The following RTP1 variants were observed in gnomAD, a reference collection of about 807,000 sequenced individuals.
RTP1 encodes receptor-transporting protein 1.
In RTP1, 24 loss-of-function variants were observed where a neutral mutation model predicts 27.1. The ratio of observed to expected loss-of-function variants is 0.89; its 90% CI spans 0.64 to 1.25. RTP1 has a LOEUF of 1.25. Ranked by LOEUF, RTP1 falls within the 50% of genes most tolerant of loss-of-function variation. RTP1 has a pLI of 0.00. For missense variants in RTP1, 338 were observed against 351.6 expected (o/e 0.96, Z 0.31); for synonymous variants, 148 against 148.1 (o/e 1.00, Z 0.00).
In RTP1 at chr3:187,200,165, G is replaced by T; in HGVS notation, c.*95G>T. 2 of 1,118,318 alleles carry T rather than the reference G, an allele frequency of 1.8e-6. No individual in the cohort carries two copies. The highest frequency in any genetic ancestry group is 2.4e-6 in the Non-Finnish European group (2 of 816,832). 69.3% of individuals were successfully genotyped at this position (1,118,318 alleles called of 1,614,324 possible). Reference sequence around the variant, plus strand: ...GGGTTGAGAATAGTGTAAACTTCTAGCGCTGGTGATGTCACTGACTCAGTG... The same window carrying T: ...GGGTTGAGAATAGTGTAAACTTCTATCGCTGGTGATGTCACTGACTCAGTG... On this transcript the variant is annotated 3_prime_UTR_variant, in exon 2 of 2. Coordinates refer to ENST00000312295, the MANE Select transcript of RTP1 (RefSeq NM_153708.3).
At position 187,197,499 on chromosome 3, in the gene RTP1, T is replaced by G. The variant is rs1721623213; in HGVS notation, c.-17T>G. ...ACAAAGGAGGGAGCTGGGTCCTGCT[T>G]CCTCCTGGTCTTGTCGATGAGGATT... On this transcript the variant is annotated 5_prime_UTR_variant, in exon 1 of 2. Transcript: ENST00000312295. The G allele has an allele frequency of 6.2e-7, 1 of 1,606,958 alleles. No individual in the cohort carries two copies. Among genetic ancestry groups the G allele is most frequent in the Admixed American group, 1.7e-5 (1 of 59,876 alleles).
rs536513104 is a variant in RTP1 at position 187,201,049 on chromosome 3, A to G, written c.*979A>G. ...GCCTCCTGGGTTCTTTGCTGAAATTATAGTTGAATGGCTTTCTCACATTGG... is the reference window on the plus strand; with the variant it reads ...GCCTCCTGGGTTCTTTGCTGAAATTGTAGTTGAATGGCTTTCTCACATTGG... On this transcript the variant is annotated 3_prime_UTR_variant, in exon 2 of 2. Coordinates refer to ENST00000312295, the MANE Select transcript of RTP1 (RefSeq NM_153708.3). 1.3e-5 allele frequency: 2 copies of G among 152,332 alleles called. No homozygotes were observed. Among genetic ancestry groups the G allele is most frequent in the South Asian group, 4.1e-4 (2 of 4,822 alleles). The allele number at this position is 152,332 out of a possible 1,614,324, so 9.4% of individuals were successfully genotyped here.
Position 187,197,488 on chromosome 3 carries a change from T to A in RTP1, c.-28T>A. Reference sequence around the variant, plus strand: ...TTCCACTGCGGACAAAGGAGGGAGCTGGGTCCTGCTTCCTCCTGGTCTTGT... The same window carrying A: ...TTCCACTGCGGACAAAGGAGGGAGCAGGGTCCTGCTTCCTCCTGGTCTTGT... On this transcript the variant is annotated 5_prime_UTR_variant, in exon 1 of 2. Transcript: ENST00000312295. 1 of 1,603,674 alleles carries A rather than the reference T, an allele frequency of 6.2e-7. No individual in the cohort carries two copies. Among genetic ancestry groups the A allele is most frequent in the Non-Finnish European group, 8.5e-7 (1 of 1,171,862 alleles).
In RTP1 at chr3:187,200,169, T is replaced by C. The variant is rs1721693340; in HGVS notation, c.*99T>C. The C allele has an allele frequency of 2.8e-6, 3 of 1,061,326 alleles. 1 individual carries two copies. The highest frequency in any genetic ancestry group is 5.8e-5 in the South Asian group (2 of 34,394). The allele number at this position is 1,061,326 out of a possible 1,614,324, so 65.7% of individuals were successfully genotyped here. ...TGAGAATAGTGTAAACTTCTAGCGC[T>C]GGTGATGTCACTGACTCAGTGGGGA... On this transcript the variant is annotated 3_prime_UTR_variant, in exon 2 of 2. Transcript: ENST00000312295.
Position 187,199,837 on chromosome 3 carries a change from C to A in RTP1, c.559C>A (p.Arg187Ser), listed in dbSNP as rs969092926. 1.9e-6 allele frequency: 3 copies of A among 1,606,936 alleles called. No individual in the cohort carries two copies. In the South Asian group the frequency reaches 3.3e-5, roughly 18 times the overall value. The change falls in exon 2 of 2, where the codon CGC becomes AGC. Residue 187 changes from arginine (R) to serine (S), a missense_variant. This residue lies in a region of RTP1 where 252 missense variants were observed against 231.5 expected (regional missense o/e 1.09). Coordinates refer to ENST00000312295, the MANE Select transcript of RTP1 (RefSeq NM_153708.3). The part of the protein sequence containing the change: ...VASRQDNRRH[R>S]GEFCEACQEG... The stretch of plus-strand genomic sequence containing the variant: ...CAGCCGCCAGGACAACCGGCGGCAC[C>A]GCGGAGAGTTCTGCGAGGCCTGCCA...
intron 1 of RTP1, chr3:187,198,073 C>T (rs1192186223): frequency 2.1e-5 from 7 of 336,216 alleles, no homozygotes; most frequent in African/African-American, 1.4e-4. Flanking sequence ...GTCCTACACA[C>T]TGACATTTTA....
At position 187,197,617 on chromosome 3, in the gene RTP1, C is replaced by T. The variant is rs771041267; in HGVS notation, c.102C>T (p.Asp34=). 35 of 1,614,044 alleles carry T rather than the reference C, an allele frequency of 2.2e-5. No individual in the cohort carries two copies. The highest frequency in any genetic ancestry group is 5.3e-5 in the African/African-American group (4 of 74,914). Residue 34 remains aspartate, a synonymous_variant, in exon 1 of 2, where the codon GAC becomes GAT. Coordinates refer to ENST00000312295, the MANE Select transcript of RTP1 (RefSeq NM_153708.3). ...GGAAATTGCCTTCCCTCACTACTGACGAGACCATGTGTAAAAGCGTGACCA... is the reference window on the plus strand; with the variant it reads ...GGAAATTGCCTTCCCTCACTACTGATGAGACCATGTGTAAAAGCGTGACCA... The part of the protein sequence containing the change: ...LRWKLPSLTT[D]ETMCKSVTTD...
Position 187,199,839 on chromosome 3 carries a change from C to T in RTP1, c.561C>T (p.Arg187=), listed in dbSNP as rs777810877. ...GCCGCCAGGACAACCGGCGGCACCG[C>T]GGAGAGTTCTGCGAGGCCTGCCAGG... ...VASRQDNRRH[R]GEFCEACQEG... Residue 187 remains arginine (R), a synonymous_variant, in exon 2 of 2, where the codon CGC becomes CGT. Coordinates refer to ENST00000312295, the MANE Select transcript of RTP1 (RefSeq NM_153708.3). The T allele has an allele frequency of 5.0e-6, 8 of 1,606,992 alleles. No homozygotes were observed. Among genetic ancestry groups the T allele is most frequent in the South Asian group, 4.4e-5 (4 of 90,864 alleles).
In RTP1 at chr3:187,200,400, C is replaced by T. The variant is rs1366477676; in HGVS notation, c.*330C>T. ...CAACTCCTACCTCCTCCTCTTGCTT[C>T]GATCAGAACAGCTTTACTTTAGATA... On this transcript the variant is annotated 3_prime_UTR_variant, in exon 2 of 2. Coordinates refer to ENST00000312295, the MANE Select transcript of RTP1 (RefSeq NM_153708.3). 3.0e-5 allele frequency: 6 copies of T among 199,154 alleles called. No individual in the cohort carries two copies. Among genetic ancestry groups the T allele is most frequent in the Non-Finnish European group, 4.8e-5 (5 of 103,286 alleles). 12.3% of individuals were successfully genotyped at this position (199,154 alleles called of 1,614,324 possible).
At position 187,199,734 on chromosome 3, in the gene RTP1, C is replaced by T. The variant is rs770828050; in HGVS notation, c.456C>T (p.Gly152=). 5 of 1,613,536 alleles carry T rather than the reference C, an allele frequency of 3.1e-6. No homozygotes were observed. The highest frequency in any genetic ancestry group is 3.3e-5 in the Admixed American group (2 of 59,990). The part of the protein sequence containing the change: ...ESSMLEENIE[G]LVDNLITSLR... ...GCATGCTGGAGGAGAACATCGAGGG[C>T]CTGGTGGACAACCTCATCACCAGCC... is the stretch of plus-strand genomic sequence containing the variant. The change falls in exon 2 of 2, where the codon GGC becomes GGT. Residue 152 remains glycine, a synonymous_variant. Coordinates refer to ENST00000312295, the MANE Select transcript of RTP1 (RefSeq NM_153708.3).
At chr3:187,199,383 C>T in intron 1 of RTP1, 168 bp from the exon 2 acceptor site, 1 of 676,718 alleles carries the variant, frequency 1.5e-6, no homozygotes, top group Non-Finnish European at 2.5e-6. Context: ...GGGGCACTTG[C>T]AAGGCTGAGT....
In RTP1 at chr3:187,200,121, G is replaced by A. The variant is rs1721691944; in HGVS notation, c.*51G>A. On this transcript the variant is annotated 3_prime_UTR_variant, in exon 2 of 2. Transcript: ENST00000312295. Reference sequence around the variant, plus strand: ...GTCGAGGGTGCCAGTTAGCTGATGCGAGGGTAGAGGAGAGACGTGGGTTGA... The same window carrying A: ...GTCGAGGGTGCCAGTTAGCTGATGCAAGGGTAGAGGAGAGACGTGGGTTGA... 1.4e-6 allele frequency: 2 copies of A among 1,459,074 alleles called. No homozygotes were observed. The highest frequency in any genetic ancestry group is 2.3e-5 in the Admixed American group (1 of 43,344). 90.4% of individuals were successfully genotyped at this position (1,459,074 alleles called of 1,614,324 possible).
At chr3:187,199,450 C>T in intron 1 of RTP1, 101 bp from the exon 2 acceptor site, 1 of 1,337,162 alleles carries the variant, frequency 7.5e-7, no homozygotes, top group Non-Finnish European at 1.0e-6. Flanking sequence ...TCCTCCACCT[C>T]CAGGCTCTGC....
rs1721696431 is a variant in RTP1, at chr3:187,200,285, G to A, written c.*215G>A. On this transcript the variant is annotated 3_prime_UTR_variant, in exon 2 of 2. Transcript: ENST00000312295. ...TCATAGTGAAACCCAGGACCCCAAA[G>A]TTCTGCGTAGGTGCCTCAGGGACTT... The A allele has an allele frequency of 4.8e-6, 2 of 412,488 alleles. No individual in the cohort carries two copies. The highest frequency in any genetic ancestry group is 3.7e-5 in the East Asian group (1 of 26,920). The allele number at this position is 412,488 out of a possible 1,614,324, so 25.6% of individuals were successfully genotyped here. A position where few individuals can be genotyped will look rare whatever the true frequency, so the allele number is the denominator to read the frequency against.
chr3:187,198,114 A>C, intron 1 of RTP1: 1 of 233,564 alleles, frequency 4.3e-6, no homozygotes, highest in Non-Finnish European at 8.3e-6. Flanking sequence ...TCTCTTAAAA[A>C]GTAGTTTAAA....
chr3:187,199,765 G>A lies in RTP1; in HGVS notation c.487G>A (p.Glu163Lys), dbSNP rs367717589. ...GGACAACCTCATCACCAGCCTGCGC[G>A]AGCAGTGCTACGGCGAGCGTGGCGG... ...LVDNLITSLR[E>K]QCYGERGGQY... Residue 163 changes from glutamate to lysine, a missense_variant, in exon 2 of 2, where the codon GAG becomes AAG. Glu to Lys is a moderately conservative substitution (Grantham distance 56, BLOSUM62 1). Coordinates refer to ENST00000312295, the MANE Select transcript of RTP1 (RefSeq NM_153708.3). 8 of 1,613,540 alleles carry A rather than the reference G, an allele frequency of 5.0e-6. No homozygotes were observed. The highest frequency in any genetic ancestry group is 2.2e-5 in the East Asian group (1 of 44,872).
chr3:187,199,543 C>T lies in RTP1; in HGVS notation c.273-8C>T. The stretch of plus-strand genomic sequence containing the variant: ...CTTCTATTCCTCCCTCTCCTCCCGT[C>T]TCCGCAGGTTCCACTGCTCCTGGTG... On this transcript the variant is annotated splice_polypyrimidine_tract_variant and splice_region_variant and intron_variant, in intron 1 of 1. Transcript: ENST00000312295. 1 of 1,577,110 alleles carries T rather than the reference C, an allele frequency of 6.3e-7. No homozygotes were observed. Among genetic ancestry groups the T allele is most frequent in the South Asian group, 1.2e-5 (1 of 86,348 alleles).
At position 187,199,887 on chromosome 3, in the gene RTP1, C is replaced by A; in HGVS notation, c.609C>A (p.Pro203=). Residue 203 remains proline (P), a synonymous_variant, in exon 2 of 2, where the codon CCC becomes CCA. Transcript: ENST00000312295. ...ACQEGIVHWK[P]SEKLLEEEAT... Reference sequence around the variant, plus strand: ...AGGAGGGCATCGTGCACTGGAAGCCCAGCGAGAAGCTGCTGGAGGAGGAGG... The same window carrying A: ...AGGAGGGCATCGTGCACTGGAAGCCAAGCGAGAAGCTGCTGGAGGAGGAGG... 6.3e-7 allele frequency: 1 copy of A among 1,592,996 alleles called. No homozygotes were observed. Among genetic ancestry groups the A allele is most frequent in the Non-Finnish European group, 8.6e-7 (1 of 1,165,284 alleles).
rs189472632 is a variant in RTP1 at position 187,199,779 on chromosome 3, C to A, written c.501C>A (p.Gly167=). ...LITSLREQCY[G]ERGGQYRIHV... is the part of the protein sequence containing the mutation. ...CCAGCCTGCGCGAGCAGTGCTACGG[C>A]GAGCGTGGCGGCCAGTACCGCATCC... is the stretch of plus-strand genomic sequence containing the variant. Residue 167 remains glycine, a synonymous_variant, in exon 2 of 2, where the codon GGC becomes GGA. Transcript: ENST00000312295. 6.2e-7 allele frequency: 1 copy of A among 1,613,138 alleles called. No individual in the cohort carries two copies. Among genetic ancestry groups the A allele is most frequent in the Non-Finnish European group, 8.5e-7 (1 of 1,179,462 alleles).
Sources: gnomAD v4.1 joint callset for allele counts on GRCh38, gnomAD v4.1.1 for gene constraint, gnomAD v4.1.1 regional missense constraint, MANE v1.5 for transcripts, NCBI Gene and HGNC (gene_info 2026-07-23, HGNC 2026-07-21) for gene names.